The following IFT80 variants were observed in gnomAD, a reference collection of about 807,000 sequenced individuals.
IFT80 encodes intraflagellar transport protein 80 homolog.
A neutral mutation model predicts 107.9 loss-of-function variants in IFT80; 79 were observed. That is an observed-to-expected ratio of 0.73 (90% CI 0.61 to 0.88). The LOEUF (loss-of-function observed/expected upper bound fraction) is 0.88, where lower values mean the gene tolerates loss of function less well. Ranked by LOEUF, IFT80 falls within the 40% of genes least tolerant of loss-of-function variation. The pLI is 0.00. For missense variants in IFT80, 797 were observed against 914.2 expected (o/e 0.87, Z 1.65); for synonymous variants, 299 against 300.9 (o/e 0.99, Z 0.07).
intron 8 of IFT80, among the ~76,000 whole-genome samples, chr3:160,344,837 A>G (rs764267246): frequency 1.3e-5 from 2 of 152,212 alleles, no homozygotes; most frequent in Non-Finnish European, 2.9e-5. Flanking sequence ...CAGGTATATG[A>G]AAAGGTGCTC....
chr3:160,296,180 C>G (rs1018214927), intron 12 of IFT80, among the ~76,000 whole-genome samples: 1 of 151,756 alleles, frequency 6.6e-6, no homozygotes, highest in Admixed American at 6.6e-5. Flanking sequence ...CTATCACAAT[C>G]AAATAAAAAT....
At chr3:160,372,501 GAA>G (rs1227816867) in intron 5 of IFT80, among the ~76,000 whole-genome samples, 3 of 152,132 alleles carry the variant, frequency 2.0e-5, no homozygotes, top group Non-Finnish European at 2.9e-5. Flanking sequence ...GATGAAAAAG[GAA>G]AAGTCTATGC....
intron 18 of IFT80, among the ~76,000 whole-genome samples, chr3:160,272,922 A>G (rs919479669): frequency 6.6e-6 from 1 of 152,204 alleles, no homozygotes; most frequent in Admixed American, 6.5e-5. Flanking sequence ...CCCTGCAGCT[A>G]AAGTACATAA....
intron 19 of IFT80, among the ~76,000 whole-genome samples, chr3:160,261,903 G>A (rs1712873737): frequency 6.6e-6 from 1 of 151,966 alleles, no homozygotes; most frequent in Non-Finnish European, 1.5e-5. Context: ...GACGGCCCTG[G>A]AATAAGAGCC....
rs572266532 is a variant in IFT80, at chr3:160,303,745, T to C, written c.1151+170A>G. ...AGAGACTAAAATGTTTCAGAATCAC[T>C]GATTTAAATAACTTATTTATTCTTT... On this transcript the variant is annotated intron_variant, in intron 11 of 19. Coordinates refer to ENST00000326448, the MANE Select transcript of IFT80 (RefSeq NM_020800.3). Among the ~76,000 whole-genome samples, 3 of 152,362 alleles carry C rather than the reference T, an allele frequency of 2.0e-5. No individual in the cohort carries two copies. In the East Asian group the frequency reaches 5.8e-4, roughly 29 times the overall value.
chr3:160,332,254 G>A (rs1035877179), intron 8 of IFT80, among the ~76,000 whole-genome samples: 2 of 152,184 alleles, frequency 1.3e-5, no homozygotes, highest in South Asian at 2.1e-4. Context: ...GAAAGATTAG[G>A]TTTATTACTC....
chr3:160,299,955 T>C (rs1716288234), intron 12 of IFT80, among the ~76,000 whole-genome samples: 1 of 152,126 alleles, frequency 6.6e-6, no homozygotes, highest in Non-Finnish European at 1.5e-5. Context: ...GCCAAGTCTC[T>C]ACATGATCTG....
chr3:160,354,157 T>C (rs921245984), intron 8 of IFT80, among the ~76,000 whole-genome samples: 11 of 152,220 alleles, frequency 7.2e-5, no homozygotes, highest in Non-Finnish European at 1.2e-4. Context: ...ACACATTCTA[T>C]AGATTTAGAA....
intron 18 of IFT80, among the ~76,000 whole-genome samples, chr3:160,270,440 T>A (rs184236681): frequency 6.6e-6 from 1 of 152,364 alleles, no homozygotes; most frequent in East Asian, 1.9e-4. Context: ...GTAAGTTATA[T>A]ATAATACAAA....
chr3:160,337,029 T>A (rs1719535675), intron 8 of IFT80, among the ~76,000 whole-genome samples: 1 of 152,214 alleles, frequency 6.6e-6, no homozygotes, highest in Non-Finnish European at 1.5e-5. Flanking sequence ...TACCAATTAA[T>A]ATCTATAAGT....
chr3:160,268,377 C>CATATGTATTATTATACAAAATTGTGA (rs1713514936), intron 19 of IFT80, 36 bp downstream of exon 19: 4 of 1,518,748 alleles, frequency 2.6e-6, no homozygotes, highest in Non-Finnish European at 3.7e-6. Flanking sequence ...ACTTATAAAG[C>CATATGTATTATTATACAAAATTGTGA]ATATGTATTA....
Position 160,345,227 on chromosome 3 carries a change from T to C in IFT80, c.777+10786A>G, listed in dbSNP as rs536324863. ...GAATAGATAAAGAAAATGTGGTACA[T>C]ATACACAATGGAGTACTATTCAGCC... On this transcript the variant is annotated intron_variant, in intron 8 of 19. Transcript: ENST00000326448. 1.2e-4 allele frequency among the ~76,000 whole-genome samples: 18 copies of C among 152,274 alleles called. No individual in the cohort carries two copies. The South Asian group carries it at 3.5e-3, about 30-fold the overall frequency.
Position 160,381,592 on chromosome 3 carries a change from A to G in IFT80, c.170T>C (p.Ile57Thr), listed in dbSNP as rs1472213314. The part of the protein sequence containing the change: ...TTQIVKLPDD[I>T]YPIDFHWFPK... Reference sequence around the variant, plus strand: ...AAACCAGTGAAAATCAATAGGGTAAATATCATCAGGAAGCTTTACTATTTG... The same window carrying G: ...AAACCAGTGAAAATCAATAGGGTAAGTATCATCAGGAAGCTTTACTATTTG... The change falls in exon 3 of 20, where the codon ATT (isoleucine) becomes ACT (threonine). Residue 57 changes from isoleucine to threonine, a missense_variant. Transcript: ENST00000326448. 2 of 1,613,628 alleles carry G rather than the reference A, an allele frequency of 1.2e-6. No homozygotes were observed. The highest frequency in any genetic ancestry group is 1.7e-6 in the Non-Finnish European group (2 of 1,179,958).
intron 12 of IFT80, among the ~76,000 whole-genome samples, chr3:160,290,681 A>G (rs537447147): frequency 6.6e-6 from 1 of 152,182 alleles, no homozygotes; most frequent in Non-Finnish European, 1.5e-5. Context: ...CCTGGGTTCA[A>G]GCAATTCTCC....
chr3:160,296,568 C>G (rs1269327513), intron 12 of IFT80, among the ~76,000 whole-genome samples: 1 of 148,156 alleles, frequency 6.7e-6, no homozygotes, highest in Non-Finnish European at 1.5e-5. Flanking sequence ...ATCATCCTCA[C>G]TAAAAAAAAA....
intron 19 of IFT80, among the ~76,000 whole-genome samples, chr3:160,260,304 A>G (rs1712715809): frequency 1.3e-5 from 2 of 152,336 alleles, no homozygotes; most frequent in South Asian, 4.1e-4. Context: ...CATTTTTTCA[A>G]TCAGGGCAAA....
intron 19 of IFT80, among the ~76,000 whole-genome samples, chr3:160,262,925 A>G (rs941369240): frequency 6.6e-6 from 1 of 152,158 alleles, no homozygotes; most frequent in Non-Finnish European, 1.5e-5. Flanking sequence ...CTATACCTAG[A>G]TGGTCAAGGC....
rs746693435 is a variant in IFT80, at chr3:160,277,685, G to T, written c.1837-15C>A. On this transcript the variant is annotated splice_polypyrimidine_tract_variant and intron_variant, in intron 16 of 19. Transcript: ENST00000326448. The stretch of plus-strand genomic sequence containing the variant: ...ATGGTTTGCTCCTAAAGTAAAGTAT[G>T]AGAACAATTATCTTAACTATGTGAC... 2.5e-6 allele frequency: 4 copies of T among 1,571,840 alleles called. No individual in the cohort carries two copies. The highest frequency in any genetic ancestry group is 3.5e-6 in the Non-Finnish European group (4 of 1,142,390).
At chr3:160,366,246 AT>A in intron 5 of IFT80, 94 bp from the exon 6 acceptor site, 2 of 856,116 alleles carry the variant, frequency 2.3e-6, no homozygotes, top group Non-Finnish European at 3.9e-6. Flanking sequence ...AAAAAGCCAT[AT>A]GAGGTGTCAT....
Sources: allele counts gnomAD v4.1 joint callset (sites outside exome capture counted in the v4.1 genomes callset), GRCh38; gene constraint gnomAD v4.1.1; transcripts MANE v1.5; gene names NCBI Gene and HGNC (gene_info 2026-07-23, HGNC 2026-07-21).